Variants in LEPR observed in about 807,000 individuals in gnomAD.
LEPR encodes the protein leptin receptor, also known as OB receptor.
LEPR carries 56 observed loss-of-function variants against 114.7 expected under a neutral mutation model. The ratio of observed to expected loss-of-function variants is 0.49; its 90% CI spans 0.39 to 0.61. LEPR has a LOEUF of 0.61. Among genes scored for constraint, LEPR ranks in the 20% least tolerant of loss-of-function variants. The probability of loss-of-function intolerance (pLI) is 0.00; values close to 1 mark genes in which losing one functional copy is unlikely to be tolerated. For synonymous variants in LEPR, 443 were observed against 461.4 expected (o/e 0.96, Z 0.51); for missense variants, 1,202 against 1,352.9 (o/e 0.89, Z 1.75).
chr1:65,583,848 C>G (rs1188324380), intron 5 of LEPR, among the ~76,000 whole-genome samples: 5 of 151,920 alleles, frequency 3.3e-5, no homozygotes, highest in Non-Finnish European at 7.4e-5. Flanking sequence ...TTAATATGCT[C>G]TACATGTTCA....
chr1:65,470,189 C>G (rs1275628585), intron 2 of LEPR, among the ~76,000 whole-genome samples: 1 of 152,220 alleles, frequency 6.6e-6, no homozygotes, highest in African/African-American at 2.4e-5. Flanking sequence ...ATTTTAAACA[C>G]TTATTGTGCC....
In LEPR at chr1:65,633,034, C is replaced by T; in HGVS notation, c.2674-3157C>T. The stretch of plus-strand genomic sequence containing the variant: ...AAAAGGATGCATTATTGTAACCTAA[C>T]ACAAAAATTTATAGTCCAGAACCCA... On this transcript the variant is annotated intron_variant, in intron 19 of 19. Transcript: ENST00000349533. The surrounding 1 kb of genome is among the most constrained non-coding windows in gnomAD (Gnocchi z 4.1). 7 of 830,332 alleles carry T rather than the reference C, an allele frequency of 8.4e-6. No individual in the cohort carries two copies. The highest frequency in any genetic ancestry group is 1.3e-5 in the Non-Finnish European group (7 of 528,378). The allele number at this position is 830,332 out of a possible 1,614,324, so 51.4% of individuals were successfully genotyped here.
chr1:65,569,079 G>A lies in LEPR; in HGVS notation c.41-1394G>A, dbSNP rs187184927. 2.6e-3 allele frequency among the ~76,000 whole-genome samples: 403 copies of A among 152,110 alleles called. 2 individuals carry two copies. The highest frequency in any genetic ancestry group is 9.2e-3 in the African/African-American group (382 of 41,478). The stretch of plus-strand genomic sequence containing the variant: ...TCTAAATTCTGGATATTAGTCCTTT[G>A]TTGGATGCATAGTTCTGGAAGAGTG... On this transcript the variant is annotated intron_variant, in intron 3 of 19. Transcript: ENST00000349533.
At chr1:65,609,652 A>AGT (rs933117553) in intron 12 of LEPR, among the ~76,000 whole-genome samples, 1 of 152,234 alleles carries the variant, frequency 6.6e-6, no homozygotes, top group Non-Finnish European at 1.5e-5. Context: ...GTAGAGGATT[A>AGT]GTGGACAGGG....
chr1:65,633,143 T>A lies in LEPR; in HGVS notation c.2674-3048T>A. The A allele has an allele frequency of 6.4e-7, 1 of 1,565,980 alleles. No homozygotes were observed. Among genetic ancestry groups the A allele is most frequent in the Non-Finnish European group, 8.8e-7 (1 of 1,138,970 alleles). ...TGCTTTCTTATTTTGTTTTATTTTATCTAAACAGAGAACGGACATTCTTTG... is the reference window on the plus strand; with the variant it reads ...TGCTTTCTTATTTTGTTTTATTTTAACTAAACAGAGAACGGACATTCTTTG... On this transcript the variant is annotated intron_variant, in intron 19 of 19. Coordinates refer to ENST00000349533, the MANE Select transcript of LEPR (RefSeq NM_002303.6). This position sits in a 1 kb window ranked among gnomAD's most constrained non-coding sequence, Gnocchi z 4.1.
intron 2 of LEPR, among the ~76,000 whole-genome samples, chr1:65,474,686 G>A (rs536923146): frequency 1.2e-3 from 180 of 152,210 alleles, no homozygotes; most frequent in Middle Eastern, 3.4e-3. Flanking sequence ...AAAGTGGATG[G>A]AGACTGCCCA....
chr1:65,428,511 C>G (rs1646423453), intron 2 of LEPR, among the ~76,000 whole-genome samples: 1 of 152,188 alleles, frequency 6.6e-6, no homozygotes, highest in South Asian at 2.1e-4. Context: ...AGTTTAAAAT[C>G]AGGGGTCCAA....
At chr1:65,489,087 G>C (rs1647731126) in intron 2 of LEPR, among the ~76,000 whole-genome samples, 1 of 152,170 alleles carries the variant, frequency 6.6e-6, no homozygotes, top group African/African-American at 2.4e-5. Context: ...GCATGTGAGT[G>C]CAGATATCTC....
intron 19 of LEPR, among the ~76,000 whole-genome samples, chr1:65,625,449 G>T (rs1268354365): frequency 6.6e-6 from 1 of 152,022 alleles, no homozygotes; most frequent in Non-Finnish European, 1.5e-5. Context: ...AGTTTAATGG[G>T]GATGATAATC....
In LEPR at chr1:65,624,456, CT is replaced by C. The variant is rs1384347368; in HGVS notation, c.2673+1476del. 1.8e-4 allele frequency among the ~76,000 whole-genome samples: 27 copies of C among 152,272 alleles called. No homozygotes were observed. In the East Asian group the frequency reaches 5.2e-3, roughly 29 times the overall value. ...GCTTTGGAGCCTGTTCTAATAGCAG[CT>C]GTTCTCTATAGCAGTGGCTTCTTTT... On this transcript the variant is annotated intron_variant, in intron 19 of 19. Coordinates refer to ENST00000349533, the MANE Select transcript of LEPR (RefSeq NM_002303.6).
chr1:65,548,426 T>A (rs1378041494), intron 2 of LEPR, among the ~76,000 whole-genome samples: 10 of 152,146 alleles, frequency 6.6e-5, no homozygotes, highest in Admixed American at 2.6e-4. Context: ...TCTCCCATTA[T>A]TATTGTGTGG....
intron 2 of LEPR, among the ~76,000 whole-genome samples, chr1:65,551,886 A>G (rs1230076489): frequency 6.6e-6 from 1 of 152,162 alleles, no homozygotes; most frequent in Non-Finnish European, 1.5e-5. Flanking sequence ...TATATGTCCC[A>G]GAGATTCTGG....
At chr1:65,433,200 G>A (rs1391503068) in intron 2 of LEPR, 1 of 983,642 alleles carries the variant, frequency 1.0e-6, no homozygotes, top group Admixed American at 6.2e-5. Flanking sequence ...GTTCTGGTTT[G>A]CCCTGACTTC....
chr1:65,593,297 G>T (rs1655833557), intron 6 of LEPR, among the ~76,000 whole-genome samples: 1 of 152,008 alleles, frequency 6.6e-6, no homozygotes, highest in South Asian at 2.1e-4. Context: ...TCAGAGAGCA[G>T]GGACAAACAA....
At chr1:65,540,621 T>C (rs1268913567) in intron 2 of LEPR, among the ~76,000 whole-genome samples, 2 of 152,212 alleles carry the variant, frequency 1.3e-5, no homozygotes, top group African/African-American at 4.8e-5. Flanking sequence ...TACAGGACCA[T>C]GAACCAAAAT....
intron 19 of LEPR, among the ~76,000 whole-genome samples, chr1:65,631,130 A>G (rs936031418): frequency 6.6e-6 from 1 of 152,154 alleles, no homozygotes; most frequent in Non-Finnish European, 1.5e-5. Flanking sequence ...AGATGAGGAA[A>G]GATGTGCTCT....
chr1:65,632,156 C>T (rs1658548536), intron 19 of LEPR, among the ~76,000 whole-genome samples: 2 of 152,084 alleles, frequency 1.3e-5, no homozygotes, highest in Admixed American at 1.3e-4. Flanking sequence ...GCTCAATAAC[C>T]CGTGGCCTCC....
chr1:65,600,283 C>T (rs2100929196), intron 8 of LEPR, among the ~76,000 whole-genome samples: 1 of 152,196 alleles, frequency 6.6e-6, no homozygotes, highest in African/African-American at 2.4e-5. Flanking sequence ...TAGGATTATA[C>T]TCAGTCACGC....
intron 2 of LEPR, among the ~76,000 whole-genome samples, chr1:65,494,526 CT>C (rs1648051939): frequency 6.6e-6 from 1 of 152,114 alleles, no homozygotes; most frequent in Non-Finnish European, 1.5e-5. Context: ...ATCAATTTTT[CT>C]TTGGTTTCTC....
Sources: gnomAD v4.1 joint callset for allele counts (sites outside exome capture counted in the v4.1 genomes callset) on GRCh38, gnomAD v4.1.1 for gene constraint, Gnocchi (gnomAD v3.1) non-coding constraint, MANE v1.5 for transcripts, NCBI Gene and HGNC (gene_info 2026-07-23, HGNC 2026-07-21) for gene names.